IL17REL: variants seen among roughly 807,000 people sequenced by gnomAD.
The protein encoded by IL17REL is interleukin-17 receptor E-like protein.
Under a neutral mutation model 49.0 loss-of-function variants are expected in IL17REL, and 36 were observed. The observed-to-expected ratio is 0.73, with a 90% CI of 0.56 to 0.97. IL17REL has a LOEUF of 0.97. Among genes scored for constraint, IL17REL ranks in the 50% least tolerant of loss-of-function variants. The probability of loss-of-function intolerance (pLI) is 0.00; values close to 1 mark genes in which losing one functional copy is unlikely to be tolerated. For missense variants in IL17REL, 470 were observed against 453.9 expected (o/e 1.04, Z -0.32); for synonymous variants, 206 against 192.4 (o/e 1.07, Z -0.58).
chr22:50,001,218 G>A, exon 2 of IL17REL: 1 of 1,428,962 alleles, frequency 7.0e-7, no homozygotes, highest in Non-Finnish European at 9.7e-7. Flanking sequence ...GGCAGAAGCT[G>A]TTAAAAATGT....
At chr22:49,998,226 C>T in exon 8 of IL17REL, 2 of 1,612,536 alleles carry the variant, frequency 1.2e-6, no homozygotes, top group Non-Finnish European at 1.7e-6. Flanking sequence ...TGGCCACTCA[C>T]AGGGCAGGCG....
chr22:49,999,546 G>C, intron 5 of IL17REL, 44 bp from the exon 8 acceptor site: 2 of 1,445,866 alleles, frequency 1.4e-6, no homozygotes, highest in Middle Eastern at 2.3e-4. Context: ...CGGGAGGGCG[G>C]GGGTGGTCTG....
At position 50,000,598 on chromosome 22, in the gene IL17REL, C is replaced by T. The variant is rs2061072233; in HGVS notation, c.220-6G>A. The T allele has an allele frequency of 6.2e-7, 1 of 1,611,474 alleles. No homozygotes were observed. The highest frequency in any genetic ancestry group is 1.3e-5 in the African/African-American group (1 of 74,916). On this transcript the variant is annotated splice_polypyrimidine_tract_variant and splice_region_variant and intron_variant, in intron 3 of 12. Coordinates refer to ENST00000341280, the Ensembl canonical transcript of IL17REL. ...CAGCCAAAGTGCACTTGGAGCTGAGCAGGTGCAGGTGTGAGCTGCGTGGAC... is the reference window on the plus strand; with the variant it reads ...CAGCCAAAGTGCACTTGGAGCTGAGTAGGTGCAGGTGTGAGCTGCGTGGAC...
chr22:50,000,091 C>T (rs2061068976), intron 4 of IL17REL, 105 bp downstream of exon 6: 5 of 1,126,304 alleles, frequency 4.4e-6, no homozygotes, highest in South Asian at 1.9e-5. Context: ...GTCGCCCGCC[C>T]GAGGGCCCCT....
intron 7 of IL17REL, 87 bp downstream of exon 9, chr22:49,999,204 C>T: frequency 1.3e-6 from 2 of 1,500,372 alleles, no homozygotes; most frequent in Non-Finnish European, 1.9e-6. Context: ...CTCCTTATCT[C>T]ATCCCCCCAC....
At chr22:50,005,623 G>T (rs919653289) in intron 1 of IL17REL, among the ~76,000 whole-genome samples, 1 of 152,040 alleles carries the variant, frequency 6.6e-6, no homozygotes, top group Admixed American at 6.6e-5. Flanking sequence ...CCAACATGGT[G>T]AAACCCCGTC....
At chr22:49,997,815 G>A in intron 9 of IL17REL, 73 bp from the exon 12 acceptor site, 1 of 1,502,604 alleles carries the variant, frequency 6.7e-7, no homozygotes. Flanking sequence ...GGCAGGGACA[G>A]GGACAGGCTG....
At chr22:50,000,624 T>C (rs1204475451) in intron 3 of IL17REL, 32 bp from the exon 5 acceptor site, 1 of 1,587,842 alleles carries the variant, frequency 6.3e-7, no homozygotes, top group Non-Finnish European at 8.6e-7. Context: ...CTGCGTGGAC[T>C]CAGAGGCACT....
downstream of IL17REL, among the ~76,000 whole-genome samples, chr22:49,993,505 G>GCGGCTGATC (rs1286696757): frequency 6.6e-6 from 1 of 152,186 alleles, no homozygotes; most frequent in African/African-American, 2.4e-5. The surrounding 1 kb of genome is among the most constrained non-coding windows in gnomAD (Gnocchi z 6.0). Flanking sequence ...GGGTGCTGGG[G>GCGGCTGATC]CGGCTGATCC....
chr22:49,999,363 G>A lies in IL17REL; in HGVS notation c.547-18C>T. 6.2e-7 allele frequency: 1 copy of A among 1,612,860 alleles called. No individual in the cohort carries two copies. The highest frequency in any genetic ancestry group is 8.5e-7 in the Non-Finnish European group (1 of 1,179,948). ...GACCAGCCCTGTGGGAGGGGCTGGG[G>A]TCAGCGCAGCCCACCCATCCCTGTG... On this transcript the variant is annotated intron_variant, in intron 6 of 12. Coordinates refer to ENST00000341280, the Ensembl canonical transcript of IL17REL.
At chr22:49,995,901 T>G (rs1163385998) in exon 13 of IL17REL, 1 of 152,302 alleles carries the variant, frequency 6.6e-6, no homozygotes, top group Non-Finnish European at 1.5e-5. Context: ...TTGCCCAGCA[T>G]AGCATGGGCA....
chr22:49,996,761 T>C, exon 13 of IL17REL: 1 of 475,012 alleles, frequency 2.1e-6, no homozygotes, highest in East Asian at 3.7e-5. Flanking sequence ...GGCCTAGGTC[T>C]AGTCCTCGGC....
upstream of IL17REL, among the ~76,000 whole-genome samples, chr22:50,012,311 G>A (rs908824121): frequency 1.6e-4 from 24 of 152,212 alleles, no homozygotes; most frequent in Non-Finnish European, 2.9e-4. Flanking sequence ...GTCACAGGTG[G>A]GTCCGAGGTG....
intron 9 of IL17REL, 68 bp downstream of exon 11, chr22:49,997,957 A>G: frequency 6.5e-7 from 1 of 1,549,582 alleles, no homozygotes; most frequent in Non-Finnish European, 8.8e-7. Flanking sequence ...CCCCTGCCCC[A>G]CTCCCCGCCC....
exon 10 of IL17REL, chr22:49,997,694 G>A (rs751910238): frequency 5.0e-6 from 8 of 1,613,744 alleles, no homozygotes; most frequent in East Asian, 2.2e-5. Context: ...CTTGGGAAGC[G>A]ACGCTGTTCG....
chr22:50,001,864 A>C (rs969883073), intron 1 of IL17REL, among the ~76,000 whole-genome samples: 2 of 152,220 alleles, frequency 1.3e-5, no homozygotes, highest in Non-Finnish European at 2.9e-5. Context: ...CTGGCAACCC[A>C]GCTGTTCCAC....
At chr22:49,998,706 TGC>T (rs1569208628) in intron 7 of IL17REL, among the ~76,000 whole-genome samples, 2 of 149,580 alleles carry the variant, frequency 1.3e-5, no homozygotes, top group Non-Finnish European at 3.0e-5. Context: ...TGGGTGTGTG[TGC>T]ATGTGTACGT....
At chr22:49,993,845 G>A (rs2061018158), downstream of IL17REL, among the ~76,000 whole-genome samples, 1 of 152,142 alleles carries the variant, frequency 6.6e-6, no homozygotes, top group African/African-American at 2.4e-5. The surrounding 1 kb of genome is among the most constrained non-coding windows in gnomAD (Gnocchi z 6.0). Context: ...TGCACCACAG[G>A]GAGCACCCCT....
At chr22:50,011,168 C>G (rs540554525), upstream of IL17REL, among the ~76,000 whole-genome samples, 12 of 151,986 alleles carry the variant, frequency 7.9e-5, no homozygotes, top group African/African-American at 2.9e-4. Context: ...CCCTTGACCC[C>G]TCCTGCTCAA....
Sources: allele counts gnomAD v4.1 joint callset (sites outside exome capture counted in the v4.1 genomes callset), GRCh38; gene constraint gnomAD v4.1.1; non-coding constraint Gnocchi (gnomAD v3.1); transcripts MANE v1.5; gene names NCBI Gene and HGNC (gene_info 2026-07-23, HGNC 2026-07-21).